Variants in C2CD2L observed in about 807,000 individuals in gnomAD.
C2CD2L encodes the protein C2CD2 like, also known as phospholipid transfer protein C2CD2L.
Under a neutral mutation model 69.9 loss-of-function variants are expected in C2CD2L, and 24 were observed. The ratio of observed to expected loss-of-function variants is 0.34; its 90% CI spans 0.25 to 0.48. The LOEUF (loss-of-function observed/expected upper bound fraction) is 0.48, where lower values mean the gene tolerates loss of function less well. C2CD2L is among the 20% of genes least tolerant of loss of function. The pLI, the probability that C2CD2L is intolerant of heterozygous loss-of-function variation, is 0.99. For synonymous variants in C2CD2L, 367 were observed against 391.0 expected (o/e 0.94, Z 0.72); for missense variants, 811 against 941.5 (o/e 0.86, Z 1.81).
chr11:119,112,369 T>C lies in C2CD2L; in HGVS notation c.1061T>C (p.Leu354Pro). ...AGCCGGGAGCTGACCCTCAAAGTGC[T>C]GAGGAGCAGCAGCTGTGGAGACAGT... ...PQSRELTLKV[L>P]RSSSCGDTEL... The change falls in exon 8 of 14, where the codon CTG becomes CCG. Residue 354 changes from leucine (L) to proline (P), a missense_variant. By Grantham distance (98) the Leu-to-Pro change is moderately conservative. Coordinates refer to ENST00000648610, the MANE Select transcript of C2CD2L (RefSeq NM_001290474.2). 1 of 1,613,580 alleles carries C rather than the reference T, an allele frequency of 6.2e-7. No individual in the cohort carries two copies. The highest frequency in any genetic ancestry group is 8.5e-7 in the Non-Finnish European group (1 of 1,179,854).
intron 7 of C2CD2L, 73 bp from the exon 8 acceptor site, chr11:119,112,255 C>T: frequency 1.3e-5 from 17 of 1,330,300 alleles, no homozygotes; most frequent in Non-Finnish European, 1.8e-5. Context: ...CTGCCTCTGG[C>T]CTGTGATCCA....
In C2CD2L at chr11:119,116,186, G is replaced by A. The variant is rs747397123; in HGVS notation, c.2051G>A (p.Arg684His). 10 of 1,614,212 alleles carry A rather than the reference G, an allele frequency of 6.2e-6. No homozygotes were observed. The highest frequency in any genetic ancestry group is 8.5e-6 in the Non-Finnish European group (10 of 1,180,038). The change falls in exon 14 of 14, where the codon CGC becomes CAC. Residue 684 changes from arginine (R) to histidine (H), a missense_variant. Physicochemically the swap from Arg to His is conservative, Grantham distance 29 (BLOSUM62 0). Coordinates refer to ENST00000648610, the MANE Select transcript of C2CD2L (RefSeq NM_001290474.2). Reference protein sequence around the residue: ...SVRKKAGSFSRRLIKRFSFKS... With the variant: ...SVRKKAGSFSHRLIKRFSFKS... Reference sequence around the variant, plus strand: ...CGAAAGAAGGCCGGCAGCTTTTCTCGCCGCCTTATCAAGCGCTTTTCCTTC... The same window carrying A: ...CGAAAGAAGGCCGGCAGCTTTTCTCACCGCCTTATCAAGCGCTTTTCCTTC...
At chr11:119,106,466 C>T (rs1023753066), upstream of C2CD2L, among the ~76,000 whole-genome samples, 1 of 152,196 alleles carries the variant, frequency 6.6e-6, no homozygotes, top group Non-Finnish European at 1.5e-5. Flanking sequence ...TGATGAGCCC[C>T]AGTCCTGTAG....
rs1443178796 is a variant in C2CD2L at position 119,109,754 on chromosome 11, G to T, written c.355-350G>T. 2.0e-5 allele frequency among the ~76,000 whole-genome samples: 3 copies of T among 152,094 alleles called. No individual in the cohort carries two copies. The highest frequency in any genetic ancestry group is 7.2e-5 in the African/African-American group (3 of 41,428). On this transcript the variant is annotated intron_variant, in intron 1 of 13. Coordinates refer to ENST00000648610, the MANE Select transcript of C2CD2L (RefSeq NM_001290474.2). The surrounding 1 kb of genome is among the most constrained non-coding windows in gnomAD (Gnocchi z 5.1). ...TCTATGTAGGATTTTTTGTTTGTTT[G>T]TTATTTGTTTTTTTAGGGGGTAGGG...
At position 119,110,546 on chromosome 11, in the gene C2CD2L, C is replaced by T; in HGVS notation, c.451-15C>T. The T allele has an allele frequency of 1.2e-6, 2 of 1,603,926 alleles. No homozygotes were observed. Among genetic ancestry groups the T allele is most frequent in the Non-Finnish European group, 1.7e-6 (2 of 1,178,074 alleles). On this transcript the variant is annotated splice_polypyrimidine_tract_variant and intron_variant, in intron 2 of 13. Transcript: ENST00000648610. The surrounding 1 kb of genome is among the most constrained non-coding windows in gnomAD (Gnocchi z 5.7). ...GCACCCTTCCCCCACATCTGACCCACCTCGCCGGTCTCAGGTGCTGCGTTG... is the reference window on the plus strand; with the variant it reads ...GCACCCTTCCCCCACATCTGACCCATCTCGCCGGTCTCAGGTGCTGCGTTG...
rs1277275177 is a variant in C2CD2L at position 119,111,058 on chromosome 11, G to A, written c.688G>A (p.Glu230Lys). 6.2e-7 allele frequency: 1 copy of A among 1,614,100 alleles called. No individual in the cohort carries two copies. The highest frequency in any genetic ancestry group is 8.5e-7 in the Non-Finnish European group (1 of 1,179,968). ...TCCCTTCTTCTCTCTGCAGAGAGGT[G>A]AAGAACAAGTGGAGCTCTCCACAAT... ...LPKLQARERG[E>K]EQVELSTIEE... is the part of the protein sequence containing the mutation. Residue 230 changes from glutamate (E) to lysine (K), a missense_variant, in exon 5 of 14, where the codon GAA (glutamate) becomes AAA (lysine). Physicochemically the swap from Glu to Lys is moderately conservative, Grantham distance 56. Coordinates refer to ENST00000648610, the MANE Select transcript of C2CD2L (RefSeq NM_001290474.2).
chr11:119,113,599 C>T lies in C2CD2L; in HGVS notation c.1388-12C>T, dbSNP rs1316744413. The T allele has an allele frequency of 1.9e-6, 3 of 1,608,556 alleles. No homozygotes were observed. Among genetic ancestry groups the T allele is most frequent in the Admixed American group, 1.7e-5 (1 of 59,758 alleles). ...GCAACTCCCAGCTCACTGACCCTCC[C>T]CCACCCACCAGACTCCCCCTCCCGC... On this transcript the variant is annotated splice_polypyrimidine_tract_variant and intron_variant, in intron 10 of 13. Coordinates refer to ENST00000648610, the MANE Select transcript of C2CD2L (RefSeq NM_001290474.2).
chr11:119,111,387 A>G lies in C2CD2L; in HGVS notation c.910+13A>G. 6.2e-7 allele frequency: 1 copy of G among 1,612,356 alleles called. No homozygotes were observed. Among genetic ancestry groups the G allele is most frequent in the Non-Finnish European group, 8.5e-7 (1 of 1,178,342 alleles). On this transcript the variant is annotated intron_variant, in intron 6 of 13. Transcript: ENST00000648610. ...AATGAGCTGGAAGGTGAGAGCTGGA[A>G]GTGGCTGCGGGACTGCCAAGGCTAT...
intron 13 of C2CD2L, chr11:119,115,824 A>G (rs1253755446): frequency 1.7e-6 from 1 of 593,354 alleles, no homozygotes; most frequent in African/African-American, 1.9e-5. Flanking sequence ...CAGGAAGGAT[A>G]AAGCACATGT....
intron 7 of C2CD2L, chr11:119,111,960 T>C (rs554589): frequency 0.57 from 244,057 of 427,018 alleles, 72,135 homozygotes; most frequent in African/African-American, 0.72. Flanking sequence ...GTAGGCTTCA[T>C]GGAGGAGATG....
rs1456169541 is a variant in C2CD2L, at chr11:119,116,106, T to C, written c.1971T>C (p.Ala657=). ...GCCGGAGGCCTAGGCAGAAGGAAGC[T>C]GGCCTGAGCCAATCACACGATGACC... ...IFRRRPRQKE[A]GLSQSHDDLS... is the part of the protein sequence containing the mutation. Residue 657 remains alanine (A), a synonymous_variant, in exon 14 of 14, where the codon GCT becomes GCC. Coordinates refer to ENST00000648610, the MANE Select transcript of C2CD2L (RefSeq NM_001290474.2). 1 of 1,614,082 alleles carries C rather than the reference T, an allele frequency of 6.2e-7. No homozygotes were observed. Among genetic ancestry groups the C allele is most frequent in the African/African-American group, 1.3e-5 (1 of 74,950 alleles).
intron 13 of C2CD2L, chr11:119,115,831 A>T: frequency 3.4e-6 from 2 of 595,390 alleles, no homozygotes; most frequent in Non-Finnish European, 3.0e-6. Context: ...GATAAAGCAC[A>T]TGTTTGTTTC....
upstream of C2CD2L, chr11:119,106,749 C>T (rs1048195834): frequency 1.3e-5 from 2 of 152,212 alleles, no homozygotes; most frequent in African/African-American, 4.8e-5. Context: ...TGGGAATCTC[C>T]AGAACAAACC....
chr11:119,112,785 T>C lies in C2CD2L; in HGVS notation c.1298T>C (p.Ile433Thr), dbSNP rs767205753. Residue 433 changes from isoleucine (I) to threonine (T), a missense_variant, in exon 10 of 14, where the codon ATT becomes ACT. Ile to Thr is a moderately conservative substitution (Grantham distance 89). Transcript: ENST00000648610. ...PRPSITPTKK[I>T]ELDRTIMPDG... ...CCCAGCATCACACCTACCAAGAAGA[T>C]TGAGCTTGACCGGACCATCATGCCC... 7 of 1,614,038 alleles carry C rather than the reference T, an allele frequency of 4.3e-6. No individual in the cohort carries two copies. Among genetic ancestry groups the C allele is most frequent in the Non-Finnish European group, 5.9e-6 (7 of 1,179,950 alleles).
chr11:119,112,222 G>A (rs189957110), intron 7 of C2CD2L, 106 bp from the exon 8 acceptor site: 70 of 981,020 alleles, frequency 7.1e-5, no homozygotes, highest in East Asian at 5.0e-4. Flanking sequence ...CATTTATGCC[G>A]TTTTATTTAT....
In C2CD2L at chr11:119,116,093, G is replaced by A; in HGVS notation, c.1958G>A (p.Arg653Lys). 1.2e-6 allele frequency: 2 copies of A among 1,614,128 alleles called. No homozygotes were observed. Among genetic ancestry groups the A allele is most frequent in the Non-Finnish European group, 1.7e-6 (2 of 1,180,040 alleles). Residue 653 changes from arginine to lysine, a missense_variant, in exon 14 of 14, where the codon AGG becomes AAG. Coordinates refer to ENST00000648610, the MANE Select transcript of C2CD2L (RefSeq NM_001290474.2). ...AAGCTCATCTTCCGCCGGAGGCCTA[G>A]GCAGAAGGAAGCTGGCCTGAGCCAA... is the stretch of plus-strand genomic sequence containing the variant. ...GTKLIFRRRP[R>K]QKEAGLSQSH...
chr11:119,110,009 C>T lies in C2CD2L; in HGVS notation c.355-95C>T. On this transcript the variant is annotated intron_variant, in intron 1 of 13. Coordinates refer to ENST00000648610, the MANE Select transcript of C2CD2L (RefSeq NM_001290474.2). This position sits in a 1 kb window ranked among gnomAD's most constrained non-coding sequence, Gnocchi z 5.7. ...CCAGAAGCCAGCCTGCAGCTGAGGC[C>T]TCCGCAGTGGCAGAGTCCAGCCAGC... 3 of 889,318 alleles carry T rather than the reference C, an allele frequency of 3.4e-6. No individual in the cohort carries two copies. The highest frequency in any genetic ancestry group is 1.8e-5 in the Admixed American group (1 of 56,984). The allele number at this position is 889,318 out of a possible 1,614,324, so 55.1% of individuals were successfully genotyped here.
At position 119,113,677 on chromosome 11, in the gene C2CD2L, G is replaced by A; in HGVS notation, c.1454G>A (p.Ser485Asn). 1 of 1,613,984 alleles carries A rather than the reference G, an allele frequency of 6.2e-7. No individual in the cohort carries two copies. The highest frequency in any genetic ancestry group is 1.6e-4 in the Middle Eastern group (1 of 6,062). Residue 485 changes from serine to asparagine, a missense_variant, in exon 11 of 14, where the codon AGC becomes AAC. Transcript: ENST00000648610. ...AAGACGACAACTGTGCTGAGTGAGA[G>A]CAGTGGCCCCAGCAATACCTCCCAT... ...TEKTTTVLSE[S>N]SGPSNTSHSS...
At chr11:119,111,489 C>T in intron 6 of C2CD2L, 32 bp from the exon 7 acceptor site, 2 of 1,607,092 alleles carry the variant, frequency 1.2e-6, no homozygotes, top group Non-Finnish European at 1.7e-6. Flanking sequence ...CATCTCTGAT[C>T]TGAGCATCTT....
Sources: allele counts gnomAD v4.1 joint callset (sites outside exome capture counted in the v4.1 genomes callset), GRCh38; gene constraint gnomAD v4.1.1; non-coding constraint Gnocchi (gnomAD v3.1); transcripts MANE v1.5; gene names NCBI Gene and HGNC (gene_info 2026-07-23, HGNC 2026-07-21).